The following CPNE4 variants were observed in gnomAD, a reference collection of about 807,000 sequenced individuals.
CPNE4 encodes the protein copine-4.
CPNE4 carries 25 observed loss-of-function variants against 67.9 expected under a neutral mutation model. The observed-to-expected ratio is 0.37, with a 90% CI of 0.27 to 0.51. CPNE4 has a LOEUF of 0.51. CPNE4 is among the 20% of genes least tolerant of loss of function. CPNE4 has a pLI of 0.93. For synonymous variants in CPNE4, 242 were observed against 244.9 expected (o/e 0.99, Z 0.11); for missense variants, 464 against 690.8 (o/e 0.67, Z 3.68).
At chr3:131,590,887 A>G (rs982572185) in intron 7 of CPNE4, among the ~76,000 whole-genome samples, 5 of 152,226 alleles carry the variant, frequency 3.3e-5, no homozygotes, top group Non-Finnish European at 7.3e-5. Context: ...ATGCAATGCA[A>G]TGTAGCTTTG....
upstream of CPNE4, chr3:132,035,581 A>T (rs571669031): frequency 1.8e-4 from 27 of 152,332 alleles, no homozygotes; most frequent in Non-Finnish European, 3.5e-4. Context: ...ATGCTTAAAG[A>T]TAGATATAAA....
At chr3:131,844,616 A>G (rs1012408627) in intron 2 of CPNE4, among the ~76,000 whole-genome samples, 1 of 152,312 alleles carries the variant, frequency 6.6e-6, no homozygotes, top group Admixed American at 6.5e-5. Context: ...TGTGTTCACC[A>G]GACTGTGAGC....
At chr3:131,761,593 T>C (rs1200362320) in intron 2 of CPNE4, among the ~76,000 whole-genome samples, 1 of 152,020 alleles carries the variant, frequency 6.6e-6, no homozygotes, top group Non-Finnish European at 1.5e-5. Context: ...TGGGGATGGC[T>C]CTCGACTCCT....
At chr3:131,680,160 A>C (rs1279636935) in intron 6 of CPNE4, among the ~76,000 whole-genome samples, 1 of 152,086 alleles carries the variant, frequency 6.6e-6, no homozygotes, top group Admixed American at 6.6e-5. Context: ...TGCTGAATTA[A>C]AACTTTTACC....
At chr3:131,939,308 T>C (rs1402379524) in intron 1 of CPNE4, among the ~76,000 whole-genome samples, 3 of 152,064 alleles carry the variant, frequency 2.0e-5, no homozygotes, top group Non-Finnish European at 4.4e-5. Flanking sequence ...ACAGTTTGTG[T>C]TGCAATGAAG....
At position 131,678,761 on chromosome 3, in the gene CPNE4, C is replaced by A. The variant is rs557279552; in HGVS notation, c.591+7114G>T. ...ATTTATTGATTTGCCTACATTGAAC[C>A]AACCTTGCATCCTGGGGATGAAGCC... is the stretch of plus-strand genomic sequence containing the variant. On this transcript the variant is annotated intron_variant, in intron 6 of 15. Transcript: ENST00000429747. 2.0e-5 allele frequency among the ~76,000 whole-genome samples: 3 copies of A among 152,246 alleles called. No individual in the cohort carries two copies. The East Asian group carries it at 5.8e-4, about 29-fold the overall frequency.
At chr3:132,032,316 C>T (rs1322416034) in intron 1 of CPNE4, among the ~76,000 whole-genome samples, 1 of 152,206 alleles carries the variant, frequency 6.6e-6, no homozygotes, top group East Asian at 1.9e-4. Context: ...AGGTTGACCA[C>T]TCACAGGAAA....
intron 2 of CPNE4, among the ~76,000 whole-genome samples, chr3:131,802,965 A>G (rs2084184130): frequency 6.6e-6 from 1 of 152,158 alleles, no homozygotes; most frequent in African/African-American, 2.4e-5. Context: ...CTGGCCTCAG[A>G]TGGAAAACCT....
chr3:131,627,294 C>T (rs7612052), intron 7 of CPNE4, among the ~76,000 whole-genome samples: 41,890 of 152,000 alleles, frequency 0.28, 9,514 homozygotes, highest in African/African-American at 0.63. Flanking sequence ...AATGGCATCA[C>T]AATCATATCT....
At chr3:131,920,816 G>A (rs1038275433) in intron 1 of CPNE4, among the ~76,000 whole-genome samples, 3 of 152,080 alleles carry the variant, frequency 2.0e-5, no homozygotes, top group African/African-American at 4.8e-5. Context: ...AAATGTTCAT[G>A]GGTGTAAGAC....
intron 1 of CPNE4, among the ~76,000 whole-genome samples, chr3:131,960,926 T>A (rs548819362): frequency 6.6e-6 from 1 of 152,352 alleles, no homozygotes; most frequent in East Asian, 1.9e-4. Context: ...TTTTCTCCAC[T>A]GTAAACCCTG....
chr3:131,717,500 T>A (rs1158967711), intron 3 of CPNE4, among the ~76,000 whole-genome samples: 6 of 152,216 alleles, frequency 3.9e-5, no homozygotes, highest in African/African-American at 1.4e-4. Context: ...AGCTGCCGAT[T>A]GTCACCCTCC....
At chr3:131,794,080 A>G (rs1415479531) in intron 2 of CPNE4, among the ~76,000 whole-genome samples, 1 of 152,202 alleles carries the variant, frequency 6.6e-6, no homozygotes, top group Non-Finnish European at 1.5e-5. Flanking sequence ...AGGATTATCA[A>G]GGTCTTAACA....
At chr3:131,874,649 GA>G (rs997232659) in intron 2 of CPNE4, among the ~76,000 whole-genome samples, 5 of 152,064 alleles carry the variant, frequency 3.3e-5, no homozygotes, top group Non-Finnish European at 7.4e-5. Flanking sequence ...AAATTGGGCT[GA>G]ATTTAAAATA....
chr3:131,886,437 TAGGGCAATGTAGA>T (rs2087897780), intron 2 of CPNE4, among the ~76,000 whole-genome samples: 2 of 152,210 alleles, frequency 1.3e-5, no homozygotes, highest in Admixed American at 1.3e-4. Flanking sequence ...GAACCTTTGC[TAGGGCAATGTAGA>T]AGAGAAATGT....
At chr3:131,846,602 A>G (rs1239730602) in intron 2 of CPNE4, among the ~76,000 whole-genome samples, 1 of 152,228 alleles carries the variant, frequency 6.6e-6, no homozygotes, top group East Asian at 1.9e-4. Context: ...GGATAAAGGT[A>G]ATGAATCAGA....
At chr3:131,557,001 G>C (rs755033119) in intron 11 of CPNE4, among the ~76,000 whole-genome samples, 2 of 152,062 alleles carry the variant, frequency 1.3e-5, no homozygotes, top group Non-Finnish European at 1.5e-5. Context: ...GGCCTATGGT[G>C]ATTACCAAGG....
rs538372401 is a variant in CPNE4, at chr3:132,013,673, T to G, written c.-2+20894A>C. ...AATAATATAATAATTGCTAACATTT[T>G]GGGAATAATTATTCAGTGCCAGGCA... On this transcript the variant is annotated intron_variant, in intron 1 of 15. Transcript: ENST00000429747. Among the ~76,000 whole-genome samples, 13 of 152,360 alleles carry G rather than the reference T, an allele frequency of 8.5e-5. No individual in the cohort carries two copies. In the South Asian group the frequency reaches 1.9e-3, roughly 22 times the overall value.
chr3:131,963,025 G>T (rs76464850), intron 1 of CPNE4, among the ~76,000 whole-genome samples: 4,395 of 152,234 alleles, frequency 0.029, 80 homozygotes, highest in South Asian at 0.065. Context: ...GAAGGCAGGT[G>T]ATATCCGCAT....
Sources: gnomAD v4.1 joint callset for allele counts (sites outside exome capture counted in the v4.1 genomes callset) on GRCh38, gnomAD v4.1.1 for gene constraint, MANE v1.5 for transcripts, NCBI Gene and HGNC (gene_info 2026-07-23, HGNC 2026-07-21) for gene names.